Variants in AHCYL2 observed in about 807,000 individuals in gnomAD.
AHCYL2 encodes the protein S-adenosylhomocysteine hydrolase-like protein 2.
In AHCYL2, 28 loss-of-function variants were observed where a neutral mutation model predicts 81.4. That is an observed-to-expected ratio of 0.34 (90% CI 0.25 to 0.47). The LOEUF is 0.47. Ranked by LOEUF, AHCYL2 falls within the 20% of genes least tolerant of loss-of-function variation. AHCYL2 has a pLI of 1.00. For missense variants in AHCYL2, 551 were observed against 785.1 expected, an observed-to-expected ratio of 0.70 and a Z score of 3.56; for synonymous variants, 272 against 290.2, an observed-to-expected ratio of 0.94 and a Z score of 0.64.
chr7:129,321,485 C>G (rs557172059), intron 1 of AHCYL2, among the ~76,000 whole-genome samples: 15 of 152,192 alleles, frequency 9.9e-5, no homozygotes, highest in Admixed American at 6.5e-4. Context: ...ATATGCCAGA[C>G]CAATCTTGCA....
At chr7:129,402,716 A>C (rs1031034924) in intron 6 of AHCYL2, among the ~76,000 whole-genome samples, 2 of 152,210 alleles carry the variant, frequency 1.3e-5, no homozygotes, top group Non-Finnish European at 2.9e-5. Flanking sequence ...GTTCAGAGGC[A>C]TGCTTGCACA....
intron 1 of AHCYL2, among the ~76,000 whole-genome samples, chr7:129,297,006 T>G (rs528441109): frequency 4.6e-5 from 7 of 152,326 alleles, no homozygotes; most frequent in African/African-American, 1.7e-4. Context: ...AAAGTTTATA[T>G]TCTTTTTGAG....
chr7:129,233,066 G>A (rs148370340), intron 1 of AHCYL2, among the ~76,000 whole-genome samples: 104 of 152,264 alleles, frequency 6.8e-4, no homozygotes, highest in Middle Eastern at 3.4e-3. Flanking sequence ...ACAGATCAGT[G>A]TCATTAAAAA....
intron 1 of AHCYL2, among the ~76,000 whole-genome samples, chr7:129,292,778 C>A (rs941531391): frequency 4.0e-5 from 6 of 150,378 alleles, no homozygotes; most frequent in African/African-American, 1.2e-4. Context: ...AAAAAAAAAA[C>A]AAAGAAAGTA....
chr7:129,395,786 C>A (rs373214540), intron 4 of AHCYL2, among the ~76,000 whole-genome samples: 1 of 152,312 alleles, frequency 6.6e-6, no homozygotes, highest in African/African-American at 2.4e-5. Flanking sequence ...TGGAAAACAG[C>A]CTGCATGTGA....
chr7:129,369,789 T>C (rs1050373554), intron 1 of AHCYL2, among the ~76,000 whole-genome samples: 1 of 152,136 alleles, frequency 6.6e-6, no homozygotes, highest in African/African-American at 2.4e-5. Flanking sequence ...TGACCGTAGG[T>C]GATCCACCCA....
chr7:129,271,375 A>G (rs963093107), intron 1 of AHCYL2, among the ~76,000 whole-genome samples: 1 of 151,812 alleles, frequency 6.6e-6, no homozygotes, highest in African/African-American at 2.4e-5. Flanking sequence ...AAAAAAAAAA[A>G]AAAAGAGTTT....
intron 1 of AHCYL2, among the ~76,000 whole-genome samples, chr7:129,340,939 C>T (rs559354952): frequency 2.6e-5 from 4 of 152,216 alleles, no homozygotes; most frequent in African/African-American, 9.6e-5. Flanking sequence ...GTATATATAT[C>T]TGTGTCCATG....
At chr7:129,229,354 A>G (rs1271646629) in intron 1 of AHCYL2, among the ~76,000 whole-genome samples, 1 of 152,208 alleles carries the variant, frequency 6.6e-6, no homozygotes, top group Non-Finnish European at 1.5e-5. Flanking sequence ...GATGTGAGCC[A>G]TTAGCCTTTT....
At chr7:129,330,684 A>G (rs181985950) in intron 1 of AHCYL2, among the ~76,000 whole-genome samples, 5 of 151,268 alleles carry the variant, frequency 3.3e-5, no homozygotes, top group Admixed American at 1.3e-4. Context: ...GATAGTATCC[A>G]TCTCCCGACC....
chr7:129,304,728 A>G (rs1422095360), intron 1 of AHCYL2, among the ~76,000 whole-genome samples: 1 of 151,952 alleles, frequency 6.6e-6, no homozygotes, highest in Admixed American at 6.6e-5. Flanking sequence ...TTCCATTGAT[A>G]TGGAATATTT....
chr7:129,317,640 T>C (rs1344594051), intron 1 of AHCYL2, among the ~76,000 whole-genome samples: 1 of 152,198 alleles, frequency 6.6e-6, no homozygotes, highest in African/African-American at 2.4e-5. Flanking sequence ...AGTCACTGGC[T>C]GGGAGCAGCT....
intron 1 of AHCYL2, among the ~76,000 whole-genome samples, chr7:129,370,655 G>A (rs746286540): frequency 5.9e-5 from 9 of 152,180 alleles, no homozygotes; most frequent in Admixed American, 2.0e-4. Flanking sequence ...CTGAGATCGC[G>A]CCACTGCACT....
intron 1 of AHCYL2, among the ~76,000 whole-genome samples, chr7:129,269,289 A>AT (rs56024439): frequency 0.016 from 2,234 of 140,666 alleles, 22 homozygotes; most frequent in Middle Eastern, 0.044. Context: ...ACCATGCCTA[A>AT]TTTTTTTTTT....
intron 12 of AHCYL2, 148 bp downstream of exon 12, chr7:129,413,836 C>G (rs1361811974): frequency 1.6e-6 from 1 of 643,122 alleles, no homozygotes; most frequent in Non-Finnish European, 2.7e-6. Context: ...GCCCTATAGC[C>G]TGTGTTTTTG....
At chr7:129,239,681 G>T (rs1584692293) in intron 1 of AHCYL2, among the ~76,000 whole-genome samples, 1 of 152,156 alleles carries the variant, frequency 6.6e-6, no homozygotes, top group East Asian at 1.9e-4. Flanking sequence ...TTATGGAAAG[G>T]TGGAAACTTA....
intron 1 of AHCYL2, among the ~76,000 whole-genome samples, chr7:129,346,851 A>G (rs1268748658): frequency 6.6e-6 from 1 of 152,204 alleles, no homozygotes; most frequent in Admixed American, 6.5e-5. Context: ...TAGCAGCTTT[A>G]TTTATAATTG....
chr7:129,404,362 C>G (rs1306551500), intron 7 of AHCYL2, among the ~76,000 whole-genome samples: 1 of 151,834 alleles, frequency 6.6e-6, no homozygotes, highest in Non-Finnish European at 1.5e-5. Context: ...CCATAAAGAA[C>G]TAAAAGTATG....
chr7:129,231,331 T>TA (rs1283933970), intron 1 of AHCYL2, among the ~76,000 whole-genome samples: 2 of 152,194 alleles, frequency 1.3e-5, no homozygotes, highest in African/African-American at 4.8e-5. Flanking sequence ...CTACTACTAC[T>TA]AGTACTACCT....
Sources: allele counts gnomAD v4.1 joint callset (sites outside exome capture counted in the v4.1 genomes callset), GRCh38; gene constraint gnomAD v4.1.1; transcripts MANE v1.5; gene names NCBI Gene and HGNC (gene_info 2026-07-23, HGNC 2026-07-21).